KCNMA1: variants seen among roughly 807,000 people sequenced by gnomAD.
The protein encoded by KCNMA1 is Calcium-activated potassium channel subunit alpha-1.
In KCNMA1, 29 loss-of-function variants were observed where a neutral mutation model predicts 140.0. The ratio of observed to expected loss-of-function variants is 0.21; its 90% CI spans 0.15 to 0.28. The LOEUF is 0.28. KCNMA1 is among the 10% of genes least tolerant of loss of function. The probability of loss-of-function intolerance (pLI) is 1.00; values close to 1 mark genes in which losing one functional copy is unlikely to be tolerated. For synonymous variants in KCNMA1, 612 were observed against 611.9 expected (o/e 1.00, Z 0.00); for missense variants, 880 against 1,602.2 (o/e 0.55, Z 7.70).
chr10:77,442,828 A>G (rs1466362709), intron 1 of KCNMA1, among the ~76,000 whole-genome samples: 1 of 152,188 alleles, frequency 6.6e-6, no homozygotes, highest in Non-Finnish European at 1.5e-5. Flanking sequence ...CACAGGAGTC[A>G]GCATGTTTGA....
At chr10:77,602,794 T>A (rs969596637) in intron 1 of KCNMA1, among the ~76,000 whole-genome samples, 3 of 152,100 alleles carry the variant, frequency 2.0e-5, no homozygotes, top group Non-Finnish European at 4.4e-5. Context: ...ATCCCTCCCG[T>A]GGATTTCGGG....
chr10:77,613,051 T>C (rs2087613595), intron 1 of KCNMA1, among the ~76,000 whole-genome samples: 1 of 152,186 alleles, frequency 6.6e-6, no homozygotes, highest in South Asian at 2.1e-4. Flanking sequence ...TGAGCTTGTC[T>C]TCTACCTCTT....
At chr10:76,921,202 G>A (rs773756029) in intron 23 of KCNMA1, among the ~76,000 whole-genome samples, 29 of 152,104 alleles carry the variant, frequency 1.9e-4, no homozygotes, top group Admixed American at 1.7e-3. Flanking sequence ...CATATGCTAC[G>A]TTAAACTAGG....
At chr10:77,376,007 T>C (rs1020022918) in intron 2 of KCNMA1, among the ~76,000 whole-genome samples, 1 of 152,184 alleles carries the variant, frequency 6.6e-6, no homozygotes, top group Non-Finnish European at 1.5e-5. Flanking sequence ...CCAAGAACCC[T>C]ACCTGCAATG....
intron 24 of KCNMA1, chr10:76,914,246 G>A (rs536483944): frequency 2.5e-5 from 20 of 785,568 alleles, no homozygotes; most frequent in African/African-American, 1.6e-4. Flanking sequence ...AAGGGACCCC[G>A]GACCACAGGT....
chr10:77,507,233 T>C (rs1217617871), intron 1 of KCNMA1, among the ~76,000 whole-genome samples: 1 of 152,234 alleles, frequency 6.6e-6, no homozygotes, highest in Non-Finnish European at 1.5e-5. Flanking sequence ...ATGAGGACTC[T>C]TGCAACTTCG....
At chr10:77,361,978 C>T (rs1195731280) in intron 2 of KCNMA1, among the ~76,000 whole-genome samples, 7 of 152,216 alleles carry the variant, frequency 4.6e-5, no homozygotes, top group African/African-American at 1.7e-4. Flanking sequence ...ATTCTCTGTT[C>T]CCTTGGAGCT....
In KCNMA1 at chr10:77,135,146, C is replaced by A. The variant is rs191600658; in HGVS notation, c.809-14098G>T. 4.0e-5 allele frequency among the ~76,000 whole-genome samples: 6 copies of A among 150,602 alleles called. No individual in the cohort carries two copies. The East Asian group carries it at 1.2e-3, about 30-fold the overall frequency. On this transcript the variant is annotated intron_variant, in intron 5 of 27. Transcript: ENST00000286628. ...ATATATAGAGAACACATCTCAATAG[C>A]AAGAAAGCAAATAGCCCAATTAAGA... is the stretch of plus-strand genomic sequence containing the variant.
intron 1 of KCNMA1, among the ~76,000 whole-genome samples, chr10:77,415,107 G>T (rs2096710997): frequency 6.6e-6 from 1 of 152,150 alleles, no homozygotes; most frequent in African/African-American, 2.4e-5. Flanking sequence ...GGAGAAATGG[G>T]CTAGGGGACG....
chr10:77,109,405 C>CA (rs60502075), intron 8 of KCNMA1, among the ~76,000 whole-genome samples: 1 of 151,800 alleles, frequency 6.6e-6, no homozygotes, highest in Admixed American at 6.6e-5. Context: ...TCATAAATGG[C>CA]AAAAAAAAAT....
intron 5 of KCNMA1, among the ~76,000 whole-genome samples, chr10:77,122,856 C>T (rs571836296): frequency 1.6e-4 from 24 of 152,164 alleles, no homozygotes; most frequent in African/African-American, 4.6e-4. Context: ...GGTTATTTAC[C>T]GTTAATGTAA....
intron 2 of KCNMA1, among the ~76,000 whole-genome samples, chr10:77,309,320 A>G (rs1602029551): frequency 6.6e-6 from 1 of 152,226 alleles, no homozygotes; most frequent in Non-Finnish European, 1.5e-5. Context: ...TCTATATACC[A>G]GGTGCTTCGA....
intron 2 of KCNMA1, among the ~76,000 whole-genome samples, chr10:77,365,448 T>C (rs80216053): frequency 0.022 from 3,375 of 152,296 alleles, 41 homozygotes; most frequent in Non-Finnish European, 0.034. Flanking sequence ...TTCCAGATGT[T>C]ATGATCCTAG....
chr10:77,064,007 G>A (rs985562175), intron 14 of KCNMA1: 2 of 985,212 alleles, frequency 2.0e-6, no homozygotes, highest in Non-Finnish European at 1.2e-6. Flanking sequence ...ATTAAGTCCT[G>A]ACCATTGCCG....
At chr10:77,039,775 C>G in intron 14 of KCNMA1, 138 bp from the exon 15 acceptor site, 1 of 695,306 alleles carries the variant, frequency 1.4e-6, no homozygotes, top group South Asian at 1.5e-5. Context: ...AGGAACACGG[C>G]CTCTGCACCC....
chr10:77,041,180 T>TGG (rs1468233183), intron 14 of KCNMA1, among the ~76,000 whole-genome samples: 326 of 990 alleles, frequency 0.33, 113 homozygotes, highest in African/African-American at 0.83. Flanking sequence ...TTTTTTTTTT[T>TGG]TTGAGACGGA....
intron 2 of KCNMA1, among the ~76,000 whole-genome samples, chr10:77,275,334 G>A (rs778461832): frequency 4.6e-5 from 7 of 152,192 alleles, no homozygotes; most frequent in African/African-American, 7.2e-5. Context: ...AATACAGGAG[G>A]AGGAAGCCTT....
chr10:77,000,579 A>G (rs368595521), intron 19 of KCNMA1, among the ~76,000 whole-genome samples: 1 of 151,994 alleles, frequency 6.6e-6, no homozygotes, highest in East Asian at 1.9e-4. Flanking sequence ...TGTGCTATGG[A>G]CTCAGGGATA....
At chr10:77,544,245 A>G (rs892922320) in intron 1 of KCNMA1, among the ~76,000 whole-genome samples, 2 of 151,582 alleles carry the variant, frequency 1.3e-5, no homozygotes, top group African/African-American at 2.4e-5. Flanking sequence ...ATGTCTAGGA[A>G]GTGAGATTTT....
Sources: gnomAD v4.1 joint callset for allele counts (sites outside exome capture counted in the v4.1 genomes callset) on GRCh38, gnomAD v4.1.1 for gene constraint, MANE v1.5 for transcripts, NCBI Gene and HGNC (gene_info 2026-07-23, HGNC 2026-07-21) for gene names.